KLHL4: variants seen among roughly 807,000 people sequenced by gnomAD.
The protein encoded by KLHL4 is kelch-like protein 4.
In KLHL4, 17 loss-of-function variants were observed where a neutral mutation model predicts 45.8. That is an observed-to-expected ratio of 0.37 (90% CI 0.25 to 0.56). The LOEUF (loss-of-function observed/expected upper bound fraction) is 0.56. Ranked by LOEUF, KLHL4 falls within the 20% of genes least tolerant of loss-of-function variation. The pLI is 0.79. For synonymous variants in KLHL4, 224 were observed against 189.9 expected, an observed-to-expected ratio of 1.18 and a Z score of -1.47; for missense variants, 544 against 544.9, an observed-to-expected ratio of 1.00 and a Z score of 0.02.
At chrX:87,621,091 T>C (rs1922732672) in intron 4 of KLHL4, among the ~76,000 whole-genome samples, 1 of 111,600 alleles carries the variant, frequency 9.0e-6, no homozygotes, top group African/African-American at 3.3e-5. Context: ...TATTGCTGTC[T>C]GGATAACTTT....
chrX:87,617,638 T>C (rs1373981116), intron 3 of KLHL4, among the ~76,000 whole-genome samples: 1 of 111,904 alleles, frequency 8.9e-6, no homozygotes, highest in Non-Finnish European at 1.9e-5. Flanking sequence ...TAATATAAGA[T>C]TTAAATGCAG....
intron 3 of KLHL4, among the ~76,000 whole-genome samples, chrX:87,615,809 G>A (rs1218411706): frequency 9.0e-6 from 1 of 111,076 alleles, no homozygotes; most frequent in Non-Finnish European, 1.9e-5. Context: ...ATTATTGGTT[G>A]TAGGAATATG....
In KLHL4 at chrX:87,669,068, G is replaced by T. The variant is rs907574317; in HGVS notation, c.*2534G>T. 1.1e-6 allele frequency: 1 copy of T among 895,204 alleles called. No individual in the cohort carries two copies. The highest frequency in any genetic ancestry group is 1.4e-6 in the Non-Finnish European group (1 of 729,558). 73.8% of individuals were successfully genotyped at this position (895,204 alleles called of 1,213,427 possible). A position where few individuals can be genotyped will look rare whatever the true frequency, so the allele number is the denominator to read the frequency against. On this transcript the variant is annotated 3_prime_UTR_variant, in exon 11 of 11. Coordinates refer to ENST00000373119, the MANE Select transcript of KLHL4 (RefSeq NM_019117.5). Reference sequence around the variant, plus strand: ...TTGGGAAAAGGAGGAGTAAGAGCAGGCCCTTTCTGACATGCTTTAGCAGAG... The same window carrying T: ...TTGGGAAAAGGAGGAGTAAGAGCAGTCCCTTTCTGACATGCTTTAGCAGAG...
At chrX:87,601,139 G>A (rs1231350400) in intron 1 of KLHL4, among the ~76,000 whole-genome samples, 1 of 111,990 alleles carries the variant, frequency 8.9e-6, no homozygotes, top group Non-Finnish European at 1.9e-5. Context: ...AGCAAACGTA[G>A]ATATAAGGCA....
intron 9 of KLHL4, among the ~76,000 whole-genome samples, chrX:87,661,066 G>T (rs1681318319): frequency 8.9e-6 from 1 of 112,025 alleles, no homozygotes; most frequent in Admixed American, 9.5e-5. Context: ...AATCACATCT[G>T]GCTTCACAAA....
In KLHL4 at chrX:87,667,473, G is replaced by A. The variant is rs1476941413; in HGVS notation, c.*939G>A. ...GATGTTACTCAGTGTTAACACATGG[G>A]AACACCAAAATATTCAATAAGCCTG... On this transcript the variant is annotated 3_prime_UTR_variant, in exon 11 of 11. Coordinates refer to ENST00000373119, the MANE Select transcript of KLHL4 (RefSeq NM_019117.5). The A allele has an allele frequency of 2.8e-6, 2 of 721,370 alleles. No individual in the cohort carries two copies. The highest frequency in any genetic ancestry group is 3.3e-6 in the Non-Finnish European group (2 of 611,749). 59.4% of individuals were successfully genotyped at this position (721,370 alleles called of 1,213,427 possible).
chrX:87,541,058 C>G (rs1931539946), intron 1 of KLHL4, among the ~76,000 whole-genome samples: 1 of 110,641 alleles, frequency 9.0e-6, no homozygotes, highest in African/African-American at 3.3e-5. Flanking sequence ...AGTCCCCACC[C>G]AAATCTCACC....
At chrX:87,665,646 G>T (rs1034157941) in intron 10 of KLHL4, among the ~76,000 whole-genome samples, 7 of 111,602 alleles carry the variant, frequency 6.3e-5, no homozygotes, top group African/African-American at 2.3e-4. Context: ...TCAATTAAAT[G>T]ATGAGTTAAC....
At chrX:87,520,233 G>A (rs1391840323) in intron 1 of KLHL4, among the ~76,000 whole-genome samples, 1 of 112,334 alleles carries the variant, frequency 8.9e-6, no homozygotes, top group African/African-American at 3.2e-5. Context: ...GCTTTCTGAT[G>A]CCTTGCTTCT....
intron 1 of KLHL4, among the ~76,000 whole-genome samples, chrX:87,545,021 A>G (rs1419347404): frequency 8.9e-6 from 1 of 112,405 alleles, no homozygotes; most frequent in Admixed American, 9.4e-5. Flanking sequence ...AATTCAAAAT[A>G]GCTGTGTTGA....
chrX:87,613,787 C>T (rs1228657223), intron 1 of KLHL4, 90 bp from the exon 2 acceptor site: 2 of 605,565 alleles, frequency 3.3e-6, no homozygotes, highest in East Asian at 8.4e-5. Context: ...CCTAAATTTC[C>T]ACTACATGTT....
intron 1 of KLHL4, among the ~76,000 whole-genome samples, chrX:87,591,828 TCAAA>T (rs1330695565): frequency 3.1e-4 from 35 of 112,153 alleles, no homozygotes; most frequent in Non-Finnish European, 6.4e-4. Flanking sequence ...GGTATTAATC[TCAAA>T]CATTTATCAA....
intron 9 of KLHL4, among the ~76,000 whole-genome samples, chrX:87,658,502 G>A (rs938933793): frequency 1.8e-5 from 2 of 111,181 alleles, no homozygotes; most frequent in Non-Finnish European, 3.8e-5. Context: ...ATCAGATTCA[G>A]CGATTGGTAG....
chrX:87,529,487 A>T (rs1931195890), intron 1 of KLHL4, among the ~76,000 whole-genome samples: 1 of 100,005 alleles, frequency 1.0e-5, no homozygotes, highest in African/African-American at 3.4e-5. Context: ...AGAGAAAAGT[A>T]TTCCTTTTGA....
chrX:87,518,065 G>T lies in KLHL4; in HGVS notation c.172G>T (p.Asp58Tyr). 1 of 1,211,537 alleles carries T rather than the reference G, an allele frequency of 8.3e-7. No individual in the cohort carries two copies. The highest frequency in any genetic ancestry group is 1.8e-5 in the South Asian group (1 of 56,967). The stretch of plus-strand genomic sequence containing the variant: ...GGGCAGGTTGAAGAGCCACTCTCGG[G>T]ACAGAAACGGACTGAAGAAAAGCAA... ...VQGRLKSHSR[D>Y]RNGLKKSNSP... The change falls in exon 1 of 11, where the codon GAC becomes TAC. Residue 58 changes from aspartate to tyrosine, a missense_variant. Transcript: ENST00000373119.
chrX:87,661,392 T>C (rs1240445424), intron 9 of KLHL4, among the ~76,000 whole-genome samples: 1 of 111,733 alleles, frequency 8.9e-6, no homozygotes, highest in Non-Finnish European at 1.9e-5. Context: ...TAATCATTTT[T>C]ATTCCCATTA....
intron 1 of KLHL4, among the ~76,000 whole-genome samples, chrX:87,541,851 G>A (rs1931566728): frequency 9.0e-6 from 1 of 111,436 alleles, no homozygotes; most frequent in Non-Finnish European, 1.9e-5. Context: ...GATGAGGGAA[G>A]GTTTGGAACT....
intron 1 of KLHL4, among the ~76,000 whole-genome samples, chrX:87,592,823 C>G (rs941480787): frequency 4.5e-5 from 5 of 111,831 alleles, no homozygotes; most frequent in African/African-American, 1.6e-4. Flanking sequence ...TAATTCCTTA[C>G]CATATGAATA....
At chrX:87,615,511 A>T (rs1922528873) in intron 3 of KLHL4, among the ~76,000 whole-genome samples, 2 of 111,458 alleles carry the variant, frequency 1.8e-5, no homozygotes, top group South Asian at 7.4e-4. Context: ...AAACATGTCC[A>T]CACAACAGTG....
Sources: allele counts gnomAD v4.1 joint callset (sites outside exome capture counted in the v4.1 genomes callset), GRCh38; gene constraint gnomAD v4.1.1; transcripts MANE v1.5; gene names NCBI Gene and HGNC (gene_info 2026-07-23, HGNC 2026-07-21).